The following ZNF586 variants were observed in gnomAD, a reference collection of about 807,000 sequenced individuals.
ZNF586 encodes zinc finger protein 586.
In ZNF586, 7 loss-of-function variants were observed where a neutral mutation model predicts 6.7. That is an observed-to-expected ratio of 1.04 (90% confidence interval 0.59 to 1.95). ZNF586 has a LOEUF of 1.95. ZNF586 is among the 30% of genes most tolerant of loss of function. ZNF586 has a pLI of 0.00. For missense variants in ZNF586, 442 were observed against 489.6 expected (o/e 0.90, Z 0.92); for synonymous variants, 166 against 168.7 (o/e 0.98, Z 0.12).
rs1317215071 is a variant in ZNF586 at position 57,776,564 on chromosome 19, G to A, written c.58G>A (p.Val20Met). Residue 20 changes from valine to methionine, a missense_variant, in exon 2 of 3, where the codon GTG becomes ATG. Coordinates refer to ENST00000396154, the MANE Select transcript of ZNF586 (RefSeq NM_017652.4). ...ACAGAGCAGTGTGACCTTTGAAGAT[G>A]TGGCTGTAAACTTTTCCCTGGAGGA... Reference protein sequence around the residue: ...PAQSSVTFEDVAVNFSLEEWS... With the variant: ...PAQSSVTFEDMAVNFSLEEWS... The A allele has an allele frequency of 6.2e-7, 1 of 1,613,394 alleles. No individual in the cohort carries two copies. Among genetic ancestry groups the A allele is most frequent in the Non-Finnish European group, 8.5e-7 (1 of 1,179,694 alleles).
At chr19:57,774,999 T>C (rs75653907) in intron 1 of ZNF586, among the ~76,000 whole-genome samples, 3 of 96,090 alleles carry the variant, frequency 3.1e-5, no homozygotes, top group African/African-American at 4.1e-5. Context: ...CAGTTTCTTT[T>C]TTTCTTTTTT....
At chr19:57,772,790 C>T (rs1314890963) in intron 1 of ZNF586, among the ~76,000 whole-genome samples, 1 of 152,104 alleles carries the variant, frequency 6.6e-6, no homozygotes, top group Admixed American at 6.6e-5. Flanking sequence ...TTTATGGAGG[C>T]TTTATTACAT....
chr19:57,778,845 G>A lies in ZNF586; in HGVS notation c.258G>A (p.Arg86=). The change falls in exon 3 of 3, where the codon AGG becomes AGA. Residue 86 remains arginine, a synonymous_variant. Coordinates refer to ENST00000396154, the MANE Select transcript of ZNF586 (RefSeq NM_017652.4). ...ACCAGGGAGGTCATAGTGGAGAAAG[G>A]CCTTATGAGTGTGGGGAATATAGGA... The part of the protein sequence containing the change: ...YKDQGGHSGE[R]PYECGEYRKL... 1.2e-6 allele frequency: 2 copies of A among 1,614,166 alleles called. No individual in the cohort carries two copies. The highest frequency in any genetic ancestry group is 1.7e-6 in the Non-Finnish European group (2 of 1,180,030).
chr19:57,777,310 T>A (rs1424454611), intron 2 of ZNF586, among the ~76,000 whole-genome samples: 1 of 152,200 alleles, frequency 6.6e-6, no homozygotes, highest in Non-Finnish European at 1.5e-5. Flanking sequence ...TCGTCTGTCC[T>A]ATTTTTCCCT....
chr19:57,773,845 G>T (rs1987156528), intron 1 of ZNF586, among the ~76,000 whole-genome samples: 1 of 152,170 alleles, frequency 6.6e-6, no homozygotes, highest in Admixed American at 6.6e-5. Flanking sequence ...GGCAAATATG[G>T]TCACCTTGTG....
intron 2 of ZNF586, among the ~76,000 whole-genome samples, chr19:57,777,949 G>A (rs1048108173): frequency 3.3e-5 from 5 of 151,228 alleles, no homozygotes; most frequent in African/African-American, 1.2e-4. Context: ...AGTAAAGATA[G>A]GGTTTTACCA....
At chr19:57,770,366 C>T (rs1324693553) in intron 1 of ZNF586, among the ~76,000 whole-genome samples, 1 of 152,042 alleles carries the variant, frequency 6.6e-6, no homozygotes, top group Non-Finnish European at 1.5e-5. Context: ...CTTAGGTGAT[C>T]CGCCCACCTC....
At position 57,779,362 on chromosome 19, in the gene ZNF586, G is replaced by C; in HGVS notation, c.775G>C (p.Glu259Gln). ...LIKHLRVHTGERPYECVECGK... is the reference protein window; with the variant it reads ...LIKHLRVHTGQRPYECVECGK... ...TAAACACTTGAGAGTTCACACAGGA[G>C]AAAGGCCTTATGAATGCGTTGAGTG... The change falls in exon 3 of 3, where the codon GAA becomes CAA. Residue 259 changes from glutamate to glutamine, a missense_variant. By Grantham distance (29) the Glu-to-Gln change is conservative. Coordinates refer to ENST00000396154, the MANE Select transcript of ZNF586 (RefSeq NM_017652.4). 6.2e-7 allele frequency: 1 copy of C among 1,612,324 alleles called. No individual in the cohort carries two copies. Among genetic ancestry groups the C allele is most frequent in the African/African-American group, 1.3e-5 (1 of 74,296 alleles).
In ZNF586 at chr19:57,779,166, C is replaced by G. The variant is rs1045257243; in HGVS notation, c.579C>G (p.Leu193=). 6.2e-7 allele frequency: 1 copy of G among 1,613,466 alleles called. No homozygotes were observed. Among genetic ancestry groups the G allele is most frequent in the African/African-American group, 1.3e-5 (1 of 74,660 alleles). ...AAGCCTTTGCTGAAAAGTCCAGTCTCATTAACCACAGGAAAGTTCACTCTG... is the reference window on the plus strand; with the variant it reads ...AAGCCTTTGCTGAAAAGTCCAGTCTGATTAACCACAGGAAAGTTCACTCTG... ...CGKAFAEKSS[L]INHRKVHSGA... The change falls in exon 3 of 3, where the codon CTC becomes CTG. Residue 193 remains leucine, a synonymous_variant. Transcript: ENST00000396154.
chr19:57,772,130 C>G (rs1987111465), intron 1 of ZNF586, among the ~76,000 whole-genome samples: 1 of 152,128 alleles, frequency 6.6e-6, no homozygotes, highest in East Asian at 1.9e-4. Flanking sequence ...CCTGGCAACT[C>G]AATTTTTAAA....
At position 57,769,750 on chromosome 19, in the gene ZNF586, G is replaced by A. The variant is rs951612308; in HGVS notation, c.-93G>A. 3 of 1,338,962 alleles carry A rather than the reference G, an allele frequency of 2.2e-6. No individual in the cohort carries two copies. The highest frequency in any genetic ancestry group is 1.4e-5 in the African/African-American group (1 of 69,300). 82.9% of individuals were successfully genotyped at this position (1,338,962 alleles called of 1,614,324 possible). On this transcript the variant is annotated 5_prime_UTR_variant, in exon 1 of 3. Coordinates refer to ENST00000396154, the MANE Select transcript of ZNF586 (RefSeq NM_017652.4). The stretch of plus-strand genomic sequence containing the variant: ...GTGGTTGTGGCCATTGCACACAGGC[G>A]GATCTGAGGTTCGGCGACGCCGCTG...
At position 57,778,376 on chromosome 19, in the gene ZNF586, C is replaced by G. The variant is rs370417870; in HGVS notation, c.164-375C>G. 1.8e-4 allele frequency among the ~76,000 whole-genome samples: 27 copies of G among 152,198 alleles called. No individual in the cohort carries two copies. In the East Asian group the frequency reaches 5.0e-3, roughly 28 times the overall value. ...AGGCATGAGCCACGGTTCTCGGCCA[C>G]GTATATACCTATTCTTAACAGTCCC... On this transcript the variant is annotated intron_variant, in intron 2 of 2. Transcript: ENST00000396154.
At chr19:57,775,598 C>CT (rs1987214694) in intron 1 of ZNF586, among the ~76,000 whole-genome samples, 5 of 120,426 alleles carry the variant, frequency 4.2e-5, no homozygotes, top group Admixed American at 1.8e-4. Context: ...TCCCTGGTTG[C>CT]TCTTTTTTTT....
Position 57,780,194 on chromosome 19 carries a change from T to C in ZNF586, c.*398T>C, listed in dbSNP as rs10401255. The C allele has an allele frequency of 0.15, 26,361 of 181,572 alleles. 5,333 individuals are homozygous for C. Among genetic ancestry groups the C allele is most frequent in the African/African-American group, 0.49 (20,686 of 42,150 alleles). The allele number at this position is 181,572 out of a possible 1,614,324, so 11.2% of individuals were successfully genotyped here. The stretch of plus-strand genomic sequence containing the variant: ...TTTTCGACCTGCCCAGGTCTCTTGC[T>C]AGACTTCTGTGACTTACAGTTCTCT... On this transcript the variant is annotated 3_prime_UTR_variant, in exon 3 of 3. Transcript: ENST00000396154.
chr19:57,769,718 G>A lies in ZNF586; in HGVS notation c.-125G>A, dbSNP rs1446369678. Reference sequence around the variant, plus strand: ...GGCGATGCTGGGTCTGGACGAGCTCGGGAGGAGTGGTTGTGGCCATTGCAC... The same window carrying A: ...GGCGATGCTGGGTCTGGACGAGCTCAGGAGGAGTGGTTGTGGCCATTGCAC... On this transcript the variant is annotated 5_prime_UTR_variant, in exon 1 of 3. Transcript: ENST00000396154. 1.9e-6 allele frequency: 2 copies of A among 1,028,538 alleles called. No homozygotes were observed. The highest frequency in any genetic ancestry group is 2.9e-6 in the Non-Finnish European group (2 of 689,280). The allele number at this position is 1,028,538 out of a possible 1,614,324, so 63.7% of individuals were successfully genotyped here.
At chr19:57,774,013 C>T (rs761702585) in intron 1 of ZNF586, among the ~76,000 whole-genome samples, 13 of 149,670 alleles carry the variant, frequency 8.7e-5, no homozygotes, top group Admixed American at 2.0e-4. Flanking sequence ...GCCGGGGGTT[C>T]GAGATCAGCG....
intron 1 of ZNF586, among the ~76,000 whole-genome samples, chr19:57,774,553 A>T (rs1180086024): frequency 1.3e-5 from 2 of 151,412 alleles, no homozygotes; most frequent in African/African-American, 4.9e-5. Flanking sequence ...TAAATAAATA[A>T]ATAAATAAAT....
Position 57,776,527 on chromosome 19 carries a change from A to C in ZNF586, c.37-16A>C, listed in dbSNP as rs754056389. On this transcript the variant is annotated splice_polypyrimidine_tract_variant and intron_variant, in intron 1 of 2. Coordinates refer to ENST00000396154, the MANE Select transcript of ZNF586 (RefSeq NM_017652.4). ...ATAGGGGCCATTTGTGGTTTCATCT[A>C]TCCCCATCATAACAGAGCAGTGTGA... is the stretch of plus-strand genomic sequence containing the variant. 5 of 1,608,050 alleles carry C rather than the reference A, an allele frequency of 3.1e-6. No individual in the cohort carries two copies. Among genetic ancestry groups the C allele is most frequent in the Non-Finnish European group, 2.5e-6 (3 of 1,177,536 alleles).
chr19:57,779,091 T>C lies in ZNF586; in HGVS notation c.504T>C (p.Arg168=). The C allele has an allele frequency of 6.2e-7, 1 of 1,614,068 alleles. No individual in the cohort carries two copies. Among genetic ancestry groups the C allele is most frequent in the Non-Finnish European group, 8.5e-7 (1 of 1,180,006 alleles). ...ACCAAAGCTCTTCACTCTTGCAGCG[T>C]CAGACACTTCACACTAGAGAAAGGC... ...SFHQSSSLLQ[R]QTLHTRERPY... is the part of the protein sequence containing the mutation. Residue 168 remains arginine (R), a synonymous_variant, in exon 3 of 3, where the codon CGT becomes CGC. Transcript: ENST00000396154.
Sources: gnomAD v4.1 joint callset for allele counts (sites outside exome capture counted in the v4.1 genomes callset) on GRCh38, gnomAD v4.1.1 for gene constraint, MANE v1.5 for transcripts, NCBI Gene and HGNC (gene_info 2026-07-23, HGNC 2026-07-21) for gene names.